PRKN: variants seen among roughly 807,000 people sequenced by gnomAD.
PRKN encodes the protein parkin RBR E3 ubiquitin protein ligase.
In PRKN, 56 loss-of-function variants were observed where a neutral mutation model predicts 59.5. The observed-to-expected ratio is 0.94, with a 90% CI of 0.76 to 1.18. The LOEUF is 1.18. Among genes scored for constraint, PRKN ranks in the 50% most tolerant of loss-of-function variants. The pLI is 0.00. For synonymous variants in PRKN, 250 were observed against 222.1 expected (o/e 1.13, Z -1.12); for missense variants, 657 against 596.4 (o/e 1.10, Z -1.06).
At position 161,445,649 on chromosome 6, in the gene PRKN, G is replaced by T. The variant is rs182000036; in HGVS notation, c.1084-58772C>A. ...CAGCTGAATGGGATCGGTGCAGCAT[G>T]ATAGAGGCCAGCTGCCCCGCACCAG... On this transcript the variant is annotated intron_variant, in intron 9 of 11. Coordinates refer to ENST00000366898, the MANE Select transcript of PRKN (RefSeq NM_004562.3). The surrounding 1 kb of genome is among the most constrained non-coding windows in gnomAD (Gnocchi z 7.7). 3.9e-5 allele frequency among the ~76,000 whole-genome samples: 6 copies of T among 152,200 alleles called. No individual in the cohort carries two copies. Among genetic ancestry groups the T allele is most frequent in the African/African-American group, 1.4e-4 (6 of 41,454 alleles).
intron 9 of PRKN, among the ~76,000 whole-genome samples, chr6:161,507,040 C>G (rs1263600985): frequency 6.6e-6 from 1 of 152,222 alleles, no homozygotes; most frequent in Non-Finnish European, 1.5e-5. Flanking sequence ...AGGAGTGGGT[C>G]TCAAGCCATG....
intron 7 of PRKN, among the ~76,000 whole-genome samples, chr6:161,691,340 G>A (rs918868598): frequency 1.3e-5 from 2 of 152,186 alleles, no homozygotes; most frequent in Admixed American, 6.5e-5. Flanking sequence ...GCTCTCACCC[G>A]GGTTTGCCAG....
chr6:162,725,394 T>G lies in PRKN; in HGVS notation c.7+2268A>C, dbSNP rs144404175. Among the ~76,000 whole-genome samples the G allele has an allele frequency of 7.5e-4, 115 of 152,346 alleles. 1 individual carries two copies. Among genetic ancestry groups the G allele is most frequent in the African/African-American group, 2.5e-3 (104 of 41,580 alleles). On this transcript the variant is annotated intron_variant, in intron 1 of 11. Coordinates refer to ENST00000366898, the MANE Select transcript of PRKN (RefSeq NM_004562.3). ...CTCCAAGGCTTCCTTTTAATGGTTT[T>G]CACTTTCACCTACCTTTAGCACTGT...
At chr6:162,390,378 T>TAC (rs2128144273) in intron 2 of PRKN, among the ~76,000 whole-genome samples, 1 of 64,472 alleles carries the variant, frequency 1.6e-5, no homozygotes, top group Admixed American at 1.7e-4. Context: ...TGCTAAGGTA[T>TAC]ATATATATAT....
At chr6:162,556,364 T>TGTGTGTGTGTGCGTGC (rs1554243418) in intron 1 of PRKN, among the ~76,000 whole-genome samples, 3 of 91,172 alleles carry the variant, frequency 3.3e-5, no homozygotes, top group African/African-American at 9.7e-5. Flanking sequence ...TGTGTGTGTG[T>TGTGTGTGTGTGCGTGC]GTGTGTGTGT....
intron 7 of PRKN, among the ~76,000 whole-genome samples, chr6:161,652,687 T>C (rs1784194259): frequency 6.6e-6 from 1 of 152,204 alleles, no homozygotes; most frequent in Admixed American, 6.5e-5. Flanking sequence ...AAGTAAAACA[T>C]GATATATGAT....
At chr6:162,442,373 T>C (rs1008675547) in intron 2 of PRKN, among the ~76,000 whole-genome samples, 1 of 152,172 alleles carries the variant, frequency 6.6e-6, no homozygotes, top group African/African-American at 2.4e-5. Context: ...GGAACATACA[T>C]CTGCAGGGTC....
chr6:161,774,382 G>GCACACACA (rs3220723), intron 7 of PRKN, among the ~76,000 whole-genome samples: 12 of 131,032 alleles, frequency 9.2e-5, no homozygotes, highest in Non-Finnish European at 1.5e-4. Context: ...TACTCCCTGA[G>GCACACACA]CACACACACA....
At chr6:161,836,448 T>C (rs1245209878) in intron 6 of PRKN, among the ~76,000 whole-genome samples, 2 of 152,130 alleles carry the variant, frequency 1.3e-5, no homozygotes, top group Non-Finnish European at 2.9e-5. Context: ...GCCTCCTACA[T>C]GCAATCAATT....
At chr6:161,762,477 C>T (rs944904749) in intron 7 of PRKN, among the ~76,000 whole-genome samples, 1 of 152,150 alleles carries the variant, frequency 6.6e-6, no homozygotes, top group Non-Finnish European at 1.5e-5. Context: ...AAATTAAAGA[C>T]TACTTGATGT....
chr6:162,504,510 A>T (rs993337588), intron 1 of PRKN, among the ~76,000 whole-genome samples: 15 of 152,232 alleles, frequency 9.9e-5, no homozygotes, highest in African/African-American at 3.6e-4. Flanking sequence ...GAAGCCCTAC[A>T]TAGATATGAC....
intron 1 of PRKN, among the ~76,000 whole-genome samples, chr6:162,710,374 AACACAC>A (rs138911423): frequency 1.3e-3 from 166 of 125,300 alleles, no homozygotes; most frequent in African/African-American, 4.7e-3. Context: ...ACCCCCTACA[AACACAC>A]ACACACACAC....
chr6:162,082,746 C>G (rs1453315109), intron 4 of PRKN, among the ~76,000 whole-genome samples: 1 of 151,912 alleles, frequency 6.6e-6, no homozygotes, highest in Admixed American at 6.6e-5. Context: ...GACTAATTGG[C>G]CCAATTTTCA....
Position 162,320,538 on chromosome 6 carries a change from T to C in PRKN, c.172-57773A>G, listed in dbSNP as rs146922000. Among the ~76,000 whole-genome samples, 247 of 150,728 alleles carry C rather than the reference T, an allele frequency of 1.6e-3. 2 individuals carry two copies. The highest frequency in any genetic ancestry group is 5.7e-3 in the African/African-American group (235 of 41,206). On this transcript the variant is annotated intron_variant, in intron 2 of 11. Coordinates refer to ENST00000366898, the MANE Select transcript of PRKN (RefSeq NM_004562.3). ...CATTAACCATTAAGAATGTGCAAAT[T>C]AAAACCATTAAGACACCACTACACA...
At chr6:161,992,022 G>T (rs1035628262) in intron 5 of PRKN, among the ~76,000 whole-genome samples, 10 of 151,960 alleles carry the variant, frequency 6.6e-5, no homozygotes, top group Non-Finnish European at 7.4e-5. Flanking sequence ...AGATAAAACA[G>T]ATTACAAGTC....
At position 161,400,384 on chromosome 6, in the gene PRKN, T is replaced by G. The variant is rs1260013872; in HGVS notation, c.1084-13507A>C. ...GTGCAATGGCACGATCTCCGCTCAC[T>G]GCAACCTGTACCTCCCAGGTTCAAG... On this transcript the variant is annotated intron_variant, in intron 9 of 11. Coordinates refer to ENST00000366898, the MANE Select transcript of PRKN (RefSeq NM_004562.3). The surrounding 1 kb of genome is among the most constrained non-coding windows in gnomAD (Gnocchi z 4.2). Among the ~76,000 whole-genome samples, 4 of 151,920 alleles carry G rather than the reference T, an allele frequency of 2.6e-5. No individual in the cohort carries two copies. The highest frequency in any genetic ancestry group is 2.9e-5 in the Non-Finnish European group (2 of 67,980).
chr6:161,988,473 G>T (rs1402863390), intron 5 of PRKN, among the ~76,000 whole-genome samples: 8 of 151,916 alleles, frequency 5.3e-5, no homozygotes, highest in African/African-American at 1.9e-4. Flanking sequence ...GCAACACGGC[G>T]AGACTCCGTC....
At chr6:162,668,923 G>A (rs1779212500) in intron 1 of PRKN, among the ~76,000 whole-genome samples, 1 of 152,130 alleles carries the variant, frequency 6.6e-6, no homozygotes, top group South Asian at 2.1e-4. Flanking sequence ...CCTGGTGGTG[G>A]TGGTAACGAT....
At position 161,456,130 on chromosome 6, in the gene PRKN, C is replaced by G. The variant is rs369496896; in HGVS notation, c.1084-69253G>C. ...GATTGAAGGACGCAAAGTATTGTTC[C>G]TGGGTGTGTCTGTGAGGGTGTTGCC... On this transcript the variant is annotated intron_variant, in intron 9 of 11. Transcript: ENST00000366898. The surrounding 1 kb of genome is among the most constrained non-coding windows in gnomAD (Gnocchi z 4.8). Among the ~76,000 whole-genome samples the G allele has an allele frequency of 4.6e-5, 7 of 152,216 alleles. 1 individual carries two copies. The highest frequency in any genetic ancestry group is 1.7e-4 in the African/African-American group (7 of 41,550).
Sources: gnomAD v4.1 joint callset for allele counts (sites outside exome capture counted in the v4.1 genomes callset) on GRCh38, gnomAD v4.1.1 for gene constraint, Gnocchi (gnomAD v3.1) non-coding constraint, MANE v1.5 for transcripts, NCBI Gene and HGNC (gene_info 2026-07-23, HGNC 2026-07-21) for gene names.